The following MAEA variants were observed in gnomAD, a reference collection of about 807,000 sequenced individuals.
MAEA encodes E3 ubiquitin-protein transferase MAEA.
Under a neutral mutation model 46.2 loss-of-function variants are expected in MAEA, and 22 were observed. That is an observed-to-expected ratio of 0.48 (90% CI 0.34 to 0.68). The LOEUF (loss-of-function observed/expected upper bound fraction) is 0.68. Ranked by LOEUF, MAEA falls within the 30% of genes least tolerant of loss-of-function variation. The pLI is 0.01. For synonymous variants in MAEA, 246 were observed against 222.6 expected, an observed-to-expected ratio of 1.11 and a Z score of -0.94; for missense variants, 393 against 558.1, an observed-to-expected ratio of 0.70 and a Z score of 2.98.
intron 6 of MAEA, chr4:1,335,216 T>G (rs1171576299): frequency 2.0e-6 from 2 of 985,394 alleles, no homozygotes; most frequent in African/African-American, 3.5e-5. Flanking sequence ...GTTTTCCATT[T>G]CATACATGAT....
intron 1 of MAEA, among the ~76,000 whole-genome samples, chr4:1,303,096 T>G (rs138651061): frequency 1.3e-3 from 192 of 151,810 alleles, no homozygotes; most frequent in African/African-American, 4.1e-3. Flanking sequence ...CTCTTAAGAA[T>G]GTCATCCTCG....
At chr4:1,329,421 C>T (rs1739256917) in intron 5 of MAEA, 3 of 985,338 alleles carry the variant, frequency 3.0e-6, no homozygotes, top group Non-Finnish European at 3.6e-6. Context: ...AGAGCTGTGC[C>T]CTCTGCGGCC....
intron 5 of MAEA, among the ~76,000 whole-genome samples, chr4:1,328,435 G>C (rs1277324986): frequency 6.6e-6 from 1 of 152,260 alleles, no homozygotes; most frequent in Admixed American, 6.5e-5. Context: ...GCTGCTCCTT[G>C]AGTGCTAGGT....
intron 1 of MAEA, among the ~76,000 whole-genome samples, chr4:1,297,126 G>A (rs190510687): frequency 2.0e-5 from 3 of 152,320 alleles, no homozygotes; most frequent in East Asian, 1.9e-4. Flanking sequence ...TCGGCCTTGG[G>A]GCCCCAGACG....
Position 1,339,710 on chromosome 4 carries a change from G to A in MAEA, c.*541G>A, listed in dbSNP as rs1713264932. 6.4e-6 allele frequency: 1 copy of A among 155,662 alleles called. No individual in the cohort carries two copies. Among genetic ancestry groups the A allele is most frequent in the African/African-American group, 2.4e-5 (1 of 41,488 alleles). 9.6% of individuals were successfully genotyped at this position (155,662 alleles called of 1,614,324 possible). ...AAACGCCTGGCGCCGCCACCGTCGG[G>A]GGCTGGCTTCGAGGACGCCCGCCTG... is the stretch of plus-strand genomic sequence containing the variant. On this transcript the variant is annotated 3_prime_UTR_variant, in exon 9 of 9. Transcript: ENST00000303400.
intron 2 of MAEA, among the ~76,000 whole-genome samples, chr4:1,314,333 A>T (rs964158245): frequency 3.3e-5 from 5 of 152,136 alleles, no homozygotes; most frequent in African/African-American, 9.7e-5. Flanking sequence ...AAAAAAAAAA[A>T]AATTCAGAAT....
chr4:1,307,494 T>A (rs779276207), intron 1 of MAEA, among the ~76,000 whole-genome samples: 13 of 152,260 alleles, frequency 8.5e-5, no homozygotes, highest in Non-Finnish European at 1.2e-4. Context: ...GAGGATTGCC[T>A]TCTTTTAAAA....
intron 2 of MAEA, among the ~76,000 whole-genome samples, chr4:1,313,166 C>T (rs550295955): frequency 5.3e-5 from 8 of 152,350 alleles, no homozygotes; most frequent in South Asian, 2.1e-4. Context: ...GCCTTCACTC[C>T]GGTGAGGTGG....
At chr4:1,329,987 C>T (rs1241027171) in intron 5 of MAEA, 1 of 985,284 alleles carries the variant, frequency 1.0e-6, no homozygotes, top group African/African-American at 1.7e-5. Flanking sequence ...GCCTCTGGGT[C>T]CACTGGGGCA....
At chr4:1,300,214 C>G (rs892627360) in intron 1 of MAEA, among the ~76,000 whole-genome samples, 3 of 152,210 alleles carry the variant, frequency 2.0e-5, no homozygotes, top group African/African-American at 7.2e-5. Flanking sequence ...TGCCACGGAG[C>G]TGTTTCAGGA....
At chr4:1,322,241 C>A in intron 3 of MAEA, 140 bp from the exon 4 acceptor site, 1 of 1,191,338 alleles carries the variant, frequency 8.4e-7, no homozygotes, top group Non-Finnish European at 1.2e-6. Context: ...TCCACGAGTG[C>A]AGACCCACAG....
intron 2 of MAEA, among the ~76,000 whole-genome samples, chr4:1,314,502 A>G (rs1202293231): frequency 6.6e-6 from 1 of 152,220 alleles, no homozygotes; most frequent in African/African-American, 2.4e-5. Context: ...CTGAAAAATC[A>G]AAGTGGCTGC....
At position 1,294,395 on chromosome 4, in the gene MAEA, G is replaced by GT. The variant is rs1276150417; in HGVS notation, c.69+4420dup. Among the ~76,000 whole-genome samples the GT allele has an allele frequency of 2.6e-5, 4 of 151,144 alleles. No individual in the cohort carries two copies. The East Asian group carries it at 5.8e-4, about 22-fold the overall frequency. On this transcript the variant is annotated intron_variant, in intron 1 of 8. Transcript: ENST00000303400. ...TAGCTGGGGGGTTGGTTTTGTTTTT[G>GT]TTTTTTTAAGTATTATTTTTTTAAC...
chr4:1,324,253 G>A (rs998807337), intron 4 of MAEA, among the ~76,000 whole-genome samples: 1 of 149,966 alleles, frequency 6.7e-6, no homozygotes, highest in Admixed American at 6.6e-5. Context: ...AGCGTGTCTG[G>A]TGTTGGATGA....
intron 3 of MAEA, among the ~76,000 whole-genome samples, chr4:1,319,433 G>A (rs1403410331): frequency 1.3e-5 from 2 of 152,076 alleles, no homozygotes; most frequent in South Asian, 4.1e-4. Flanking sequence ...TTCAGTTGAC[G>A]TACGAGCCTG....
At chr4:1,324,397 G>T (rs1738538593) in intron 4 of MAEA, among the ~76,000 whole-genome samples, 1 of 150,560 alleles carries the variant, frequency 6.6e-6, no homozygotes, top group African/African-American at 2.5e-5. Flanking sequence ...TGGATGCCTG[G>T]TGGATGAGTG....
rs1736293570 is a variant in MAEA at position 1,310,039 on chromosome 4, G to A, written c.70-1940G>A. 2.6e-6 allele frequency: 3 copies of A among 1,155,528 alleles called. No homozygotes were observed. The Admixed American group carries it at 1.4e-4, about 52-fold the overall frequency. 71.6% of individuals were successfully genotyped at this position (1,155,528 alleles called of 1,614,324 possible). On this transcript the variant is annotated intron_variant, in intron 1 of 8. Coordinates refer to ENST00000303400, the MANE Select transcript of MAEA (RefSeq NM_001017405.3). ...GGGTTCCTCCGCGCGAGCGAGGGTGGTTGTGCCGCTTTGTCTAATGGTCTA... is the reference window on the plus strand; with the variant it reads ...GGGTTCCTCCGCGCGAGCGAGGGTGATTGTGCCGCTTTGTCTAATGGTCTA...
At position 1,311,981 on chromosome 4, in the gene MAEA, G is replaced by A. The variant is rs888606826; in HGVS notation, c.72G>A (p.Val24=). Residue 24 remains valine, a splice_region_variant and synonymous_variant, in exon 2 of 9, where the codon GTG becomes GTA. Transcript: ENST00000303400. The surrounding 1 kb of genome is among the most constrained non-coding windows in gnomAD (Gnocchi z 4.4). ...LKVQEYPTLK[V]PYETLNKRFR... ...TCACCATCCTCCTTCCTCTCCAGGT[G>A]CCCTACGAGACGCTGAACAAACGCT... 1.2e-6 allele frequency: 2 copies of A among 1,606,330 alleles called. No homozygotes were observed. Among genetic ancestry groups the A allele is most frequent in the Non-Finnish European group, 1.7e-6 (2 of 1,173,868 alleles).
intron 1 of MAEA, among the ~76,000 whole-genome samples, chr4:1,306,393 T>TAGTC (rs1461416711): frequency 1.3e-5 from 2 of 152,196 alleles, no homozygotes; most frequent in Non-Finnish European, 2.9e-5. Flanking sequence ...CAGGCACCTG[T>TAGTC]AGTCCTAGCT....
Sources: gnomAD v4.1 joint callset for allele counts (sites outside exome capture counted in the v4.1 genomes callset) on GRCh38, gnomAD v4.1.1 for gene constraint, Gnocchi (gnomAD v3.1) non-coding constraint, MANE v1.5 for transcripts, NCBI Gene and HGNC (gene_info 2026-07-23, HGNC 2026-07-21) for gene names.